Variants in VKORC1L1 observed in about 807,000 individuals in gnomAD.
The protein encoded by VKORC1L1 is vitamin K epoxide reductase complex subunit 1-like protein 1.
A neutral mutation model predicts 18.9 loss-of-function variants in VKORC1L1; 2 were observed. The observed-to-expected ratio is 0.11, with a 90% CI of 0.04 to 0.33. The LOEUF is 0.33. Among genes scored for constraint, VKORC1L1 ranks in the 10% least tolerant of loss-of-function variants. The pLI is 1.00. For synonymous variants in VKORC1L1, 96 were observed against 100.0 expected (o/e 0.96, Z 0.24); for missense variants, 123 against 224.1 (o/e 0.55, Z 2.88).
At chr7:65,951,952 T>G (rs1193342556) in intron 2 of VKORC1L1, among the ~76,000 whole-genome samples, 1 of 152,204 alleles carries the variant, frequency 6.6e-6, no homozygotes, top group Non-Finnish European at 1.5e-5. Context: ...CACTGGGAAT[T>G]TGACCCTGAG....
chr7:65,902,423 G>A (rs539935225), intron 1 of VKORC1L1, among the ~76,000 whole-genome samples: 2 of 152,284 alleles, frequency 1.3e-5, no homozygotes, highest in South Asian at 4.1e-4. Context: ...TGGACTTGAA[G>A]ACAGCAATAG....
At chr7:65,878,008 C>T (rs1788859366) in intron 1 of VKORC1L1, among the ~76,000 whole-genome samples, 1 of 152,000 alleles carries the variant, frequency 6.6e-6, no homozygotes, top group South Asian at 2.1e-4. Context: ...CCGTGTTGTT[C>T]AAGGGTCCAC....
intron 1 of VKORC1L1, among the ~76,000 whole-genome samples, chr7:65,883,003 A>T (rs539054179): frequency 6.6e-6 from 1 of 152,328 alleles, no homozygotes; most frequent in East Asian, 1.9e-4. Flanking sequence ...ATCTTTGTGA[A>T]TCCGGTTTTT....
rs765270249 is a variant in VKORC1L1 at position 65,957,153 on chromosome 7, A to T, written c.*2853A>T. 3 of 152,206 alleles carry T rather than the reference A, an allele frequency of 2.0e-5. No homozygotes were observed. Among genetic ancestry groups the T allele is most frequent in the Non-Finnish European group, 4.4e-5 (3 of 68,042 alleles). The allele number at this position is 152,206 out of a possible 1,614,324, so 9.4% of individuals were successfully genotyped here. A position where few individuals can be genotyped will look rare whatever the true frequency, so the allele number is the denominator to read the frequency against. On this transcript the variant is annotated 3_prime_UTR_variant, in exon 3 of 3. Coordinates refer to ENST00000360768, the MANE Select transcript of VKORC1L1 (RefSeq NM_173517.6). ...CTCTCCTTAAATTCATTACTTTCAA[A>T]TGATGTTCAAAGCATTGACTATTTT...
In VKORC1L1 at chr7:65,954,286, C is replaced by G. The variant is rs199924803; in HGVS notation, c.517C>G (p.Pro173Ala). 4 of 1,614,114 alleles carry G rather than the reference C, an allele frequency of 2.5e-6. No individual in the cohort carries two copies. In the East Asian group the frequency reaches 8.9e-5, roughly 36 times the overall value. The part of the protein sequence containing the change: ...LNEAWKRQLQ[P>A]KQD ...CGAGGCCTGGAAGCGGCAGCTGCAA[C>G]CCAAGCAGGACTGACGCCCGACAGA... is the stretch of plus-strand genomic sequence containing the variant. The change falls in exon 3 of 3, where the codon CCC becomes GCC. Residue 173 changes from proline to alanine, a missense_variant. Physicochemically the swap from Pro to Ala is conservative, Grantham distance 27 (BLOSUM62 -1). Transcript: ENST00000360768.
Position 65,955,671 on chromosome 7 carries a change from CAGA to C in VKORC1L1, c.*1377_*1379del, listed in dbSNP as rs948365745. On this transcript the variant is annotated 3_prime_UTR_variant, in exon 3 of 3. Transcript: ENST00000360768. ...AAATATTTTGTGTGTTGACCTTGGG[CAGA>C]AGAAGTGTCCTTCCCTCCTTTCTTC... is the stretch of plus-strand genomic sequence containing the variant. 6 of 152,174 alleles carry C rather than the reference CAGA, an allele frequency of 3.9e-5. No individual in the cohort carries two copies. Among genetic ancestry groups the C allele is most frequent in the Admixed American group, 3.3e-4 (5 of 15,278 alleles). The allele number at this position is 152,174 out of a possible 1,614,324, so 9.4% of individuals were successfully genotyped here. A position where few individuals can be genotyped will look rare whatever the true frequency, so the allele number is the denominator to read the frequency against.
rs943953380 is a variant in VKORC1L1 at position 65,956,393 on chromosome 7, A to G, written c.*2093A>G. ...TGGTTTTTCATCCTATTTTGTATCA[A>G]TCAACAGAGTATAGTTAAAGCTTGT... is the stretch of plus-strand genomic sequence containing the variant. On this transcript the variant is annotated 3_prime_UTR_variant, in exon 3 of 3. Coordinates refer to ENST00000360768, the MANE Select transcript of VKORC1L1 (RefSeq NM_173517.6). 2.6e-5 allele frequency: 4 copies of G among 152,204 alleles called. No individual in the cohort carries two copies. The highest frequency in any genetic ancestry group is 4.4e-5 in the Non-Finnish European group (3 of 68,050). 9.4% of individuals were successfully genotyped at this position (152,204 alleles called of 1,614,324 possible).
At chr7:65,910,191 A>G (rs527811661) in intron 1 of VKORC1L1, among the ~76,000 whole-genome samples, 4 of 152,144 alleles carry the variant, frequency 2.6e-5, no homozygotes, top group African/African-American at 4.8e-5. Flanking sequence ...CTGTAATTCA[A>G]ATTTCTCCTC....
At position 65,926,871 on chromosome 7, in the gene VKORC1L1, A is replaced by G. The variant is rs564252030; in HGVS notation, c.195-21800A>G. 3.9e-5 allele frequency among the ~76,000 whole-genome samples: 6 copies of G among 152,278 alleles called. No homozygotes were observed. In the South Asian group the frequency reaches 6.2e-4, roughly 16 times the overall value. On this transcript the variant is annotated intron_variant, in intron 1 of 2. Transcript: ENST00000360768. ...TCAGGAAGGGAAAACCAAAAACAAT[A>G]TGTTCTCACTTATAAGTGGGAGCTA...
chr7:65,947,864 G>A (rs1387314708), intron 1 of VKORC1L1, among the ~76,000 whole-genome samples: 2 of 151,982 alleles, frequency 1.3e-5, no homozygotes, highest in East Asian at 1.9e-4. Context: ...CTAATTTTTT[G>A]TATTTTGAGT....
At chr7:65,933,264 T>C (rs553001469) in intron 1 of VKORC1L1, among the ~76,000 whole-genome samples, 1 of 152,144 alleles carries the variant, frequency 6.6e-6, no homozygotes, top group Non-Finnish European at 1.5e-5. Flanking sequence ...GATTTATTCT[T>C]TCTTTCAGTT....
intron 1 of VKORC1L1, among the ~76,000 whole-genome samples, chr7:65,888,082 C>T (rs1159169407): frequency 6.6e-6 from 1 of 152,062 alleles, no homozygotes. Flanking sequence ...TAAACCCGCC[C>T]CTGTGTGTGT....
At chr7:65,948,848 A>C (rs1490838785) in intron 2 of VKORC1L1, 68 bp downstream of exon 2, 8 of 1,447,878 alleles carry the variant, frequency 5.5e-6, no homozygotes, top group Admixed American at 2.2e-5. Context: ...TTTGCCCTGA[A>C]GTGTCTTGAT....
At chr7:65,867,681 G>A in the VKORC1L1 span, among the ~76,000 whole-genome samples, 2 of 151,850 alleles carry the variant, frequency 1.3e-5, no homozygotes, top group Admixed American at 6.6e-5. Context: ...ACAGCATGGT[G>A]GCTGGGTTCA....
intron 1 of VKORC1L1, among the ~76,000 whole-genome samples, chr7:65,879,946 G>A (rs540953906): frequency 4.5e-4 from 68 of 151,870 alleles, no homozygotes; most frequent in Admixed American, 2.8e-3. Flanking sequence ...CAACCTCCCT[G>A]GGTCAAGTGA....
intron 1 of VKORC1L1, among the ~76,000 whole-genome samples, chr7:65,922,210 G>T (rs1037333888): frequency 6.7e-6 from 1 of 150,178 alleles, no homozygotes; most frequent in Non-Finnish European, 1.5e-5. Context: ...AGTCTCCCTC[G>T]TATTTCTCCT....
intron 1 of VKORC1L1, among the ~76,000 whole-genome samples, chr7:65,917,940 G>A (rs1583847592): frequency 6.6e-6 from 1 of 152,188 alleles, no homozygotes; most frequent in Non-Finnish European, 1.5e-5. Flanking sequence ...TCTGGAAATA[G>A]TCTTGGTGTC....
chr7:65,873,296 C>G lies in VKORC1L1; in HGVS notation c.-76C>G. ...GCGGAGGCGGCGGTGGCGGCGGTGG[C>G]GGCTGGGTCGGGCCCCGACGGGCGG... On this transcript the variant is annotated 5_prime_UTR_variant, in exon 1 of 3. Transcript: ENST00000360768. The G allele has an allele frequency of 9.4e-7, 1 of 1,066,470 alleles. No individual in the cohort carries two copies. Among genetic ancestry groups the G allele is most frequent in the Non-Finnish European group, 1.1e-6 (1 of 885,864 alleles). 66.1% of individuals were successfully genotyped at this position (1,066,470 alleles called of 1,614,324 possible).
chr7:65,940,161 G>C (rs183495764), intron 1 of VKORC1L1, among the ~76,000 whole-genome samples: 2 of 151,920 alleles, frequency 1.3e-5, no homozygotes, highest in Admixed American at 6.6e-5. Flanking sequence ...AGTAGCTGGG[G>C]CTACAGGTGT....
Sources: gnomAD v4.1 joint callset for allele counts (sites outside exome capture counted in the v4.1 genomes callset) on GRCh38, gnomAD v4.1.1 for gene constraint, MANE v1.5 for transcripts, NCBI Gene and HGNC (gene_info 2026-07-23, HGNC 2026-07-21) for gene names.